Variants in PIK3IP1 observed in about 807,000 individuals in gnomAD.
The protein encoded by PIK3IP1 is phosphoinositide-3-kinase interacting protein 1.
Under a neutral mutation model 30.7 loss-of-function variants are expected in PIK3IP1, and 28 were observed. The observed-to-expected ratio is 0.91, with a 90% CI of 0.68 to 1.25. The LOEUF is 1.25. Among genes scored for constraint, PIK3IP1 ranks in the 50% most tolerant of loss-of-function variants. The pLI, the probability that PIK3IP1 is intolerant of heterozygous loss-of-function variation, is 0.00. For missense variants in PIK3IP1, 333 were observed against 346.2 expected (o/e 0.96, Z 0.30); for synonymous variants, 159 against 140.8 (o/e 1.13, Z -0.91).
Position 31,292,454 on chromosome 22 carries a change from T to TA in PIK3IP1, c.-111dup. ...GCCTTGCAGTCAGACCTGCCCTTGT[T>TA]ATGCTGTTCTGGTAAACAGCCTCTC... On this transcript the variant is annotated 5_prime_UTR_variant, in exon 1 of 6. Transcript: ENST00000215912. The TA allele has an allele frequency of 1.2e-6, 1 of 822,678 alleles. No homozygotes were observed. The highest frequency in any genetic ancestry group is 1.4e-5 in the South Asian group (1 of 69,582). The allele number at this position is 822,678 out of a possible 1,614,324, so 51.0% of individuals were successfully genotyped here.
intron 3 of PIK3IP1, 115 bp from the exon 4 acceptor site, chr22:31,289,814 C>G (rs567570199): frequency 2.4e-5 from 27 of 1,108,016 alleles, no homozygotes; most frequent in Non-Finnish European, 3.2e-5. Flanking sequence ...AATTTCCCCC[C>G]ACACACAACC....
intron 3 of PIK3IP1, 24 bp from the exon 4 acceptor site, chr22:31,289,723 T>G (rs1376937732): frequency 6.4e-7 from 1 of 1,551,272 alleles, no homozygotes; most frequent in East Asian, 2.4e-5. Context: ...GGGAAACAGC[T>G]CTCATCAGGG....
At chr22:31,289,431 C>A in intron 4 of PIK3IP1, 38 bp from the exon 5 acceptor site, 1 of 1,573,774 alleles carries the variant, frequency 6.4e-7, no homozygotes, top group Non-Finnish European at 8.6e-7. Context: ...TTAGCCACAC[C>A]CTAGACAATC....
intron 1 of PIK3IP1, among the ~76,000 whole-genome samples, chr22:31,291,543 C>T (rs1258507368): frequency 6.6e-6 from 1 of 150,662 alleles, no homozygotes; most frequent in Admixed American, 6.6e-5. Context: ...AGTCAACGCT[C>T]AGAGACTGTT....
intron 5 of PIK3IP1, among the ~76,000 whole-genome samples, chr22:31,286,582 T>G (rs1304429901): frequency 6.6e-6 from 1 of 152,166 alleles, no homozygotes; most frequent in East Asian, 1.9e-4. Flanking sequence ...GGAAAATAAA[T>G]TTTAGGCCTC....
intron 5 of PIK3IP1, among the ~76,000 whole-genome samples, chr22:31,285,991 G>A (rs902857869): frequency 6.6e-6 from 1 of 152,082 alleles, no homozygotes; most frequent in African/African-American, 2.4e-5. Flanking sequence ...TGGCCAACAT[G>A]GTGAAACCCC....
intron 5 of PIK3IP1, among the ~76,000 whole-genome samples, chr22:31,288,249 T>C: frequency 6.6e-6 from 1 of 151,950 alleles, no homozygotes; most frequent in Non-Finnish European, 1.5e-5. Context: ...TGGTGGGACA[T>C]GCCTGTAGTC....
Position 31,291,245 on chromosome 22 carries a change from G to A in PIK3IP1, c.122C>T (p.Ala41Val), listed in dbSNP as rs1266921239. 6.4e-7 allele frequency: 1 copy of A among 1,552,336 alleles called. No individual in the cohort carries two copies. The highest frequency in any genetic ancestry group is 2.0e-5 in the Admixed American group (1 of 51,216). ...HLYREDQTSP[A>V]PGLRCLNWLD... ...CCAGTTGAGGCAGCGGAGGCCCGGCGCGGGGGAGGTCTGGTCCTCCCGGTA... is the reference window on the plus strand; with the variant it reads ...CCAGTTGAGGCAGCGGAGGCCCGGCACGGGGGAGGTCTGGTCCTCCCGGTA... The change falls in exon 2 of 6, where the codon GCG becomes GTG. Residue 41 changes from alanine (A) to valine (V), a missense_variant. Physicochemically the swap from Ala to Val is moderately conservative, Grantham distance 64 (BLOSUM62 0). Around this residue, in one of 3 missense-constraint regions of PIK3IP1, gnomAD observed 111 missense variants for 100.1 expected, o/e 1.11. Transcript: ENST00000215912.
Position 31,290,964 on chromosome 22 carries a change from C to G in PIK3IP1, c.307+1G>C. The G allele has an allele frequency of 6.3e-7, 1 of 1,596,416 alleles. No individual in the cohort carries two copies. The highest frequency in any genetic ancestry group is 8.5e-7 in the Non-Finnish European group (1 of 1,173,954). Reference sequence around the variant, plus strand: ...GGATTCCCGGGGTCCCGGGCAGGTACCTGGACAGCGCAGGTCCTCGCAAGG... The same window carrying G: ...GGATTCCCGGGGTCCCGGGCAGGTAGCTGGACAGCGCAGGTCCTCGCAAGG... On this transcript the variant is annotated splice_donor_variant, in intron 3 of 5. Transcript: ENST00000215912. LOFTEE classifies it high-confidence loss of function.
intron 1 of PIK3IP1, among the ~76,000 whole-genome samples, 193 bp from the exon 2 acceptor site, chr22:31,291,489 C>T (rs1414672255): frequency 6.7e-6 from 1 of 149,530 alleles, no homozygotes; most frequent in Non-Finnish European, 1.5e-5. Context: ...CCCAACTCCA[C>T]GCACACCTCA....
chr22:31,291,319 GAC>G lies in PIK3IP1; in HGVS notation c.71-25_71-24del, dbSNP rs778650026. On this transcript the variant is annotated intron_variant, in intron 1 of 5. Transcript: ENST00000215912. Reference sequence around the variant, plus strand: ...AGCCTGTGAGGAAAAGAAGCCCCCGGACACAGAATAGCGGGCAGCGAACGGAA... The same window carrying G: ...AGCCTGTGAGGAAAAGAAGCCCCCGGACAGAATAGCGGGCAGCGAACGGAA... The G allele has an allele frequency of 1.1e-3, 1,683 of 1,551,028 alleles. 2 individuals carry two copies. The highest frequency in any genetic ancestry group is 1.4e-3 in the Non-Finnish European group (1,631 of 1,146,406).
At position 31,283,199 on chromosome 22, in the gene PIK3IP1, G is replaced by A; in HGVS notation, c.677C>T (p.Pro226Leu). ...CTTCTCATCCACAATCTCACAGGTG[G>A]GGTTGGTGAAGGCAGACAAGGGCAG... ...ITLPLSAFTNPTCEIVDEKTV... is the reference protein window; with the variant it reads ...ITLPLSAFTNLTCEIVDEKTV... Residue 226 changes from proline to leucine, a missense_variant, in exon 6 of 6, where the codon CCC becomes CTC. Physicochemically the swap from Pro to Leu is moderately conservative, Grantham distance 98. Coordinates refer to ENST00000215912, the MANE Select transcript of PIK3IP1 (RefSeq NM_052880.5). The A allele has an allele frequency of 6.2e-7, 1 of 1,614,190 alleles. No homozygotes were observed. The highest frequency in any genetic ancestry group is 8.5e-7 in the Non-Finnish European group (1 of 1,180,026).
chr22:31,286,577 AT>A (rs978649450), intron 5 of PIK3IP1, among the ~76,000 whole-genome samples: 1 of 152,212 alleles, frequency 6.6e-6, no homozygotes, highest in African/African-American at 2.4e-5. Context: ...TTACAGGAAA[AT>A]AAATTTTAGG....
chr22:31,290,036 C>A, intron 3 of PIK3IP1: 1 of 262,328 alleles, frequency 3.8e-6, no homozygotes. Context: ...GGAAACAACC[C>A]ATGCTTCCTT....
At chr22:31,290,795 G>C (rs2049169872) in intron 3 of PIK3IP1, 170 bp downstream of exon 3, 3 of 971,352 alleles carry the variant, frequency 3.1e-6, no homozygotes, top group Non-Finnish European at 4.2e-6. Context: ...AGTGGCGGCG[G>C]CGGCCAATAG....
intron 5 of PIK3IP1, among the ~76,000 whole-genome samples, chr22:31,283,755 T>C (rs5997940): frequency 0.33 from 50,034 of 151,734 alleles, 10,214 homozygotes; most frequent in African/African-American, 0.57. Context: ...AGACACAGTT[T>C]TGTTCTTTCA....
In PIK3IP1 at chr22:31,281,767, C is replaced by G. The variant is rs1338742525; in HGVS notation, c.*1317G>C. On this transcript the variant is annotated 3_prime_UTR_variant, in exon 6 of 6. Transcript: ENST00000215912. ...CTAACACCAAGAGACCACCTGAGGTCTAGGTCCCCAAAGCAGATGGCTCCA... is the reference window on the plus strand; with the variant it reads ...CTAACACCAAGAGACCACCTGAGGTGTAGGTCCCCAAAGCAGATGGCTCCA... 6.6e-6 allele frequency: 1 copy of G among 152,180 alleles called. No individual in the cohort carries two copies. The highest frequency in any genetic ancestry group is 6.6e-5 in the Admixed American group (1 of 15,230). The allele number at this position is 152,180 out of a possible 1,614,324, so 9.4% of individuals were successfully genotyped here.
Position 31,283,007 on chromosome 22 carries a change from T to G in PIK3IP1, c.*77A>C. On this transcript the variant is annotated 3_prime_UTR_variant, in exon 6 of 6. Transcript: ENST00000215912. Reference sequence around the variant, plus strand: ...GTAGGGTTTTAACCAGAACACAAAGTGGTAGTTCCTCCTAGCTGTAGGAGG... The same window carrying G: ...GTAGGGTTTTAACCAGAACACAAAGGGGTAGTTCCTCCTAGCTGTAGGAGG... 2.6e-6 allele frequency: 3 copies of G among 1,140,902 alleles called. No individual in the cohort carries two copies. Among genetic ancestry groups the G allele is most frequent in the South Asian group, 1.4e-5 (1 of 71,064 alleles). The allele number at this position is 1,140,902 out of a possible 1,614,324, so 70.7% of individuals were successfully genotyped here.
rs879295057 is a variant in PIK3IP1, at chr22:31,286,142, C to CA, written c.588-2855dup. Among the ~76,000 whole-genome samples the CA allele has an allele frequency of 1.6e-3, 201 of 126,242 alleles. 1 individual carries two copies. Among genetic ancestry groups the CA allele is most frequent in the Admixed American group, 3.0e-3 (37 of 12,168 alleles). The allele number at this position is 126,242 out of a possible 152,430, so 82.8% of individuals were successfully genotyped here. A position where few individuals can be genotyped will look rare whatever the true frequency, so the allele number is the denominator to read the frequency against. On this transcript the variant is annotated intron_variant, in intron 5 of 5. Transcript: ENST00000215912. ...GAGCCGACACAGCGAGACTCTGTCT[C>CA]AAAAAAAAAAAAATTAAGAAAAAAA...
Sources: gnomAD v4.1 joint callset for allele counts (sites outside exome capture counted in the v4.1 genomes callset) on GRCh38, gnomAD v4.1.1 for gene constraint, gnomAD v4.1.1 regional missense constraint, MANE v1.5 for transcripts, NCBI Gene and HGNC (gene_info 2026-07-23, HGNC 2026-07-21) for gene names.